The following TENM4 variants were observed in gnomAD, a reference collection of about 807,000 sequenced individuals.
TENM4 encodes the protein teneurin-4.
Under a neutral mutation model 243.3 loss-of-function variants are expected in TENM4, and 82 were observed. The ratio of observed to expected loss-of-function variants is 0.34; its 90% CI spans 0.28 to 0.40. TENM4 has a LOEUF of 0.40. Among genes scored for constraint, TENM4 ranks in the 10% least tolerant of loss-of-function variants. The pLI is 1.00. For missense variants in TENM4, 3,138 were observed against 3,673.3 expected, an observed-to-expected ratio of 0.85 and a Z score of 3.77; for synonymous variants, 1,412 against 1,456.3, an observed-to-expected ratio of 0.97 and a Z score of 0.69.
chr11:78,727,447 A>G (rs1855542134), intron 22 of TENM4, among the ~76,000 whole-genome samples: 1 of 152,096 alleles, frequency 6.6e-6, no homozygotes, highest in Non-Finnish European at 1.5e-5. Context: ...AAAAAAAAAA[A>G]AGAAATTATG....
rs78133229 is a variant in TENM4 at position 78,676,355 on chromosome 11, C to T, written c.5293G>A (p.Asp1765Asn). The part of the protein sequence containing the change: ...QVRNSYYIGA[D>N]GSLRLLLANG... ...GCCAGCAGCAGCCGCAAGGAGCCAT[C>T]GGCCCCGATGTAGTAGCTGTTCCGG... Residue 1765 changes from aspartate to asparagine, a missense_variant, in exon 30 of 34, where the codon GAT becomes AAT. By Grantham distance (23) the Asp-to-Asn change is conservative (BLOSUM62 1). This residue lies in a region of TENM4 where 2,467 missense variants were observed against 3,059.1 expected (regional missense o/e 0.81). Coordinates refer to ENST00000278550, the MANE Select transcript of TENM4 (RefSeq NM_001098816.3). 27 of 1,607,136 alleles carry T rather than the reference C, an allele frequency of 1.7e-5. No individual in the cohort carries two copies. The highest frequency in any genetic ancestry group is 8.3e-5 in the Admixed American group (5 of 59,886).
intron 12 of TENM4, among the ~76,000 whole-genome samples, chr11:78,834,554 G>T (rs1267003847): frequency 6.6e-6 from 1 of 152,068 alleles, no homozygotes. Context: ...AGAGTCTTTT[G>T]GTCCCCCCAC....
At chr11:78,868,290 T>A (rs1859036815) in intron 9 of TENM4, among the ~76,000 whole-genome samples, 1 of 152,162 alleles carries the variant, frequency 6.6e-6, no homozygotes, top group African/African-American at 2.4e-5. Context: ...CTTCCTCAAG[T>A]ACACTCAAAG....
At chr11:79,086,438 G>T (rs1011856678) in intron 4 of TENM4, among the ~76,000 whole-genome samples, 33 of 152,216 alleles carry the variant, frequency 2.2e-4, no homozygotes, top group African/African-American at 7.5e-4. Context: ...GCATTTTAGG[G>T]TGATATGTTA....
rs1204608155 is a variant in TENM4, at chr11:78,701,855, G to T, written c.4758C>A (p.Leu1586=). The stretch of plus-strand genomic sequence containing the variant: ...GCTTGCCGGTGGTATCAAACAGATA[G>T]AGCTCCTGGTCAATTGGTGAAGACA... ...YELSSPIDQE[L]YLFDTTGKHL... Residue 1586 remains leucine, a synonymous_variant, in exon 28 of 34, where the codon CTC becomes CTA. Coordinates refer to ENST00000278550, the MANE Select transcript of TENM4 (RefSeq NM_001098816.3). The T allele has an allele frequency of 1.9e-6, 3 of 1,613,924 alleles. No individual in the cohort carries two copies. Among genetic ancestry groups the T allele is most frequent in the Non-Finnish European group, 2.5e-6 (3 of 1,179,912 alleles).
chr11:79,374,781 AG>A (rs1015241515), intron 1 of TENM4, among the ~76,000 whole-genome samples: 70 of 152,264 alleles, frequency 4.6e-4, no homozygotes, highest in African/African-American at 1.6e-3. Flanking sequence ...AAATAGTTAT[AG>A]TCTAGAGAAA....
chr11:78,883,464 C>T (rs1855481986), intron 9 of TENM4, among the ~76,000 whole-genome samples: 1 of 152,202 alleles, frequency 6.6e-6, no homozygotes, highest in Non-Finnish European at 1.5e-5. Context: ...AGAGAAATCA[C>T]AGAAAATGGC....
chr11:79,091,632 C>T (rs916683500), intron 4 of TENM4, among the ~76,000 whole-genome samples: 3 of 152,080 alleles, frequency 2.0e-5, no homozygotes, highest in Non-Finnish European at 4.4e-5. Flanking sequence ...TACAGAATCA[C>T]AGGCTCTCCC....
At chr11:79,385,379 C>A (rs1858090451) in intron 1 of TENM4, among the ~76,000 whole-genome samples, 1 of 152,178 alleles carries the variant, frequency 6.6e-6, no homozygotes, top group South Asian at 2.1e-4. Context: ...ATTCAGATCA[C>A]ATATTTTAGA....
intron 1 of TENM4, among the ~76,000 whole-genome samples, chr11:79,410,075 T>A (rs1858666108): frequency 6.6e-6 from 1 of 152,192 alleles, no homozygotes; most frequent in Admixed American, 6.5e-5. Context: ...CCATAGTTTT[T>A]AAAAAGTTTA....
chr11:78,963,093 T>C (rs190765041), intron 6 of TENM4, among the ~76,000 whole-genome samples: 55 of 152,390 alleles, frequency 3.6e-4, no homozygotes, highest in South Asian at 1.2e-3. Flanking sequence ...ATTTGTTGAC[T>C]AGCTTAATTC....
At chr11:78,950,235 C>G (rs185731739) in intron 6 of TENM4, among the ~76,000 whole-genome samples, 6 of 152,312 alleles carry the variant, frequency 3.9e-5, no homozygotes, top group East Asian at 3.9e-4. Context: ...GTCATCCACA[C>G]AGGGCCCAAT....
At chr11:78,927,582 C>T (rs1352093660) in intron 6 of TENM4, among the ~76,000 whole-genome samples, 3 of 152,134 alleles carry the variant, frequency 2.0e-5, no homozygotes, top group African/African-American at 7.2e-5. Context: ...GAGGAGGTTT[C>T]GTACCTCCCT....
intron 3 of TENM4, among the ~76,000 whole-genome samples, chr11:79,167,873 G>A (rs1862951040): frequency 6.6e-6 from 1 of 152,172 alleles, no homozygotes; most frequent in South Asian, 2.1e-4. Context: ...ACCTACCCTG[G>A]ATGCATGTAG....
intron 28 of TENM4, among the ~76,000 whole-genome samples, 173 bp downstream of exon 28, chr11:78,701,353 G>C (rs1859096051): frequency 6.6e-6 from 1 of 152,168 alleles, no homozygotes. Context: ...TTCTCCACTA[G>C]ACCATTTCCT....
At chr11:78,766,448 A>G (rs954753013) in intron 18 of TENM4, among the ~76,000 whole-genome samples, 9 of 152,176 alleles carry the variant, frequency 5.9e-5, no homozygotes, top group Non-Finnish European at 1.2e-4. Context: ...CACAGTATGA[A>G]TGGGGTACAC....
At position 78,862,941 on chromosome 11, in the gene TENM4, C is replaced by T. The variant is rs148714754; in HGVS notation, c.1255+21G>A. Reference sequence around the variant, plus strand: ...AGGCAGACACAGAGGACTCACAACACGGACAACGCAGCAACCCTACCTTCT... The same window carrying T: ...AGGCAGACACAGAGGACTCACAACATGGACAACGCAGCAACCCTACCTTCT... On this transcript the variant is annotated intron_variant, in intron 10 of 33. Transcript: ENST00000278550. The T allele has an allele frequency of 3.1e-4, 435 of 1,410,196 alleles. No homozygotes were observed. The African/African-American group carries it at 4.3e-3, about 14-fold the overall frequency. The allele number at this position is 1,410,196 out of a possible 1,614,324, so 87.4% of individuals were successfully genotyped here.
In TENM4 at chr11:79,086,237, A is replaced by G. The variant is rs115944064; in HGVS notation, c.-65-16228T>C. ...TGCCTTCTCCCCCTGCTTTTGGAAA[A>G]CAGCTGTCATATAAAGAGGCCCAGG... is the stretch of plus-strand genomic sequence containing the variant. On this transcript the variant is annotated intron_variant, in intron 4 of 33. Transcript: ENST00000278550. Among the ~76,000 whole-genome samples, 499 of 152,304 alleles carry G rather than the reference A, an allele frequency of 3.3e-3. 11 individuals carry two copies. In the South Asian group the frequency reaches 0.05, roughly 15 times the overall value.
intron 6 of TENM4, among the ~76,000 whole-genome samples, chr11:78,952,007 C>T (rs561589224): frequency 6.6e-6 from 1 of 152,296 alleles, no homozygotes; most frequent in African/African-American, 2.4e-5. Flanking sequence ...CCCACACACC[C>T]TGGCACACTC....
Sources: allele counts gnomAD v4.1 joint callset (sites outside exome capture counted in the v4.1 genomes callset), GRCh38; gene constraint gnomAD v4.1.1; regional missense constraint gnomAD v4.1.1; transcripts MANE v1.5; gene names NCBI Gene and HGNC (gene_info 2026-07-23, HGNC 2026-07-21).